The following PATJ variants were observed in gnomAD, a reference collection of about 807,000 sequenced individuals.
PATJ encodes the protein inaD-like protein.
PATJ carries 190 observed loss-of-function variants against 224.9 expected under a neutral mutation model. The ratio of observed to expected loss-of-function variants is 0.84; its 90% CI spans 0.75 to 0.95. The LOEUF is 0.95. Among genes scored for constraint, PATJ ranks in the 40% least tolerant of loss-of-function variants. The pLI is 0.00. For synonymous variants in PATJ, 769 were observed against 820.3 expected (o/e 0.94, Z 1.07); for missense variants, 2,121 against 2,270.3 (o/e 0.93, Z 1.34).
At chr1:62,033,431 A>G (rs994266594) in intron 29 of PATJ, among the ~76,000 whole-genome samples, 1 of 152,172 alleles carries the variant, frequency 6.6e-6, no homozygotes, top group East Asian at 1.9e-4. Context: ...TGTCAGCAGA[A>G]GGGAATTCTG....
At chr1:61,850,501 C>G (rs1288073892) in intron 17 of PATJ, among the ~76,000 whole-genome samples, 1 of 152,232 alleles carries the variant, frequency 6.6e-6, no homozygotes, top group Non-Finnish European at 1.5e-5. Context: ...AACTTTTCAT[C>G]TGCTAGGTAC....
chr1:61,854,392 T>G (rs180925298), intron 17 of PATJ, among the ~76,000 whole-genome samples: 2 of 152,318 alleles, frequency 1.3e-5, no homozygotes, highest in East Asian at 3.9e-4. Context: ...TCTCCCTTGC[T>G]AAGTTAGAAG....
intron 28 of PATJ, among the ~76,000 whole-genome samples, chr1:61,999,982 G>C (rs1453257339): frequency 1.3e-5 from 2 of 151,918 alleles, no homozygotes; most frequent in African/African-American, 4.8e-5. Context: ...CCAGGTTCAA[G>C]CAATTCTCCT....
At chr1:62,135,061 T>A (rs1666682948) in intron 41 of PATJ, among the ~76,000 whole-genome samples, 1 of 152,140 alleles carries the variant, frequency 6.6e-6, no homozygotes, top group African/African-American at 2.4e-5. Flanking sequence ...CATAATAAAA[T>A]CACTGATTTT....
At chr1:61,873,476 T>A (rs1294720292) in intron 20 of PATJ, among the ~76,000 whole-genome samples, 2 of 152,190 alleles carry the variant, frequency 1.3e-5, no homozygotes, top group African/African-American at 4.8e-5. Context: ...GCAATAAAAT[T>A]TTTTAAAATA....
intron 27 of PATJ, among the ~76,000 whole-genome samples, chr1:61,979,763 T>C (rs1432050036): frequency 6.6e-6 from 1 of 152,100 alleles, no homozygotes; most frequent in African/African-American, 2.4e-5. Flanking sequence ...TGTGTGGTTT[T>C]TATGCTAGGT....
intron 28 of PATJ, among the ~76,000 whole-genome samples, chr1:61,996,957 G>T (rs1011770636): frequency 6.6e-6 from 1 of 151,980 alleles, no homozygotes; most frequent in Non-Finnish European, 1.5e-5. Flanking sequence ...GGCCAGGCTA[G>T]TCTCGAACTC....
chr1:61,805,646 G>T, intron 13 of PATJ, 122 bp downstream of exon 13: 3 of 633,532 alleles, frequency 4.7e-6, no homozygotes, highest in Non-Finnish European at 8.3e-6. Flanking sequence ...TTTCCTTCCT[G>T]CCTTTCTTCC....
In PATJ at chr1:62,062,392, C is replaced by CTTTTTTTTTTTTTTTTTTTTT. The variant is rs60747316; in HGVS notation, c.4125+11341_4125+11361dup. ...TGGTTGGCTGCTTCTATGTTGTCTT[C>CTTTTTTTTTTTTTTTTTTTTT]TTTTTTTTTTTTTTTTTTTTTTTTT... On this transcript the variant is annotated intron_variant, in intron 31 of 43. Coordinates refer to ENST00000642238, the MANE Select transcript of PATJ (RefSeq NM_001350145.3). 1.2e-3 allele frequency among the ~76,000 whole-genome samples: 34 copies of CTTTTTTTTTTTTTTTTTTTTT among 28,478 alleles called. 7 individuals are homozygous for CTTTTTTTTTTTTTTTTTTTTT. The highest frequency in any genetic ancestry group is 1.3e-3 in the African/African-American group (8 of 6,296). The allele number at this position is 28,478 out of a possible 152,430, so 18.7% of individuals were successfully genotyped here.
At chr1:62,056,987 C>G (rs539139363) in intron 31 of PATJ, among the ~76,000 whole-genome samples, 2 of 152,028 alleles carry the variant, frequency 1.3e-5, no homozygotes, top group African/African-American at 4.8e-5. Context: ...CCACCAGGCC[C>G]GGCTAATTTT....
chr1:61,830,193 A>C (rs1659058407), intron 16 of PATJ, among the ~76,000 whole-genome samples: 1 of 152,226 alleles, frequency 6.6e-6, no homozygotes, highest in Non-Finnish European at 1.5e-5. Context: ...CTGTACAAAA[A>C]TCAGTAACAT....
At chr1:62,132,607 A>G (rs1421960022) in intron 41 of PATJ, among the ~76,000 whole-genome samples, 1 of 152,118 alleles carries the variant, frequency 6.6e-6, no homozygotes, top group Non-Finnish European at 1.5e-5. Context: ...TTGACTTTTT[A>G]AATTATATAA....
chr1:61,762,347 G>T (rs999465747), intron 1 of PATJ, among the ~76,000 whole-genome samples: 2 of 151,974 alleles, frequency 1.3e-5, no homozygotes, highest in South Asian at 2.1e-4. Flanking sequence ...CTTGTTGTGT[G>T]TATCAGTAAT....
At chr1:61,926,421 T>A (rs1675218209) in intron 26 of PATJ, among the ~76,000 whole-genome samples, 1 of 152,210 alleles carries the variant, frequency 6.6e-6, no homozygotes, top group Admixed American at 6.5e-5. Flanking sequence ...AGAGAATTCA[T>A]CTCTTAATAT....
chr1:61,821,873 T>C (rs887937907), intron 14 of PATJ, among the ~76,000 whole-genome samples: 3 of 152,168 alleles, frequency 2.0e-5, no homozygotes, highest in African/African-American at 7.2e-5. Context: ...GTTTGGTGAA[T>C]GCCCTTGACT....
chr1:62,044,566 C>T (rs555620336), intron 30 of PATJ, among the ~76,000 whole-genome samples: 1 of 152,194 alleles, frequency 6.6e-6, no homozygotes, highest in Non-Finnish European at 1.5e-5. Context: ...CATTTATTGA[C>T]AGGACAGCCT....
chr1:62,106,158 G>GTGTA (rs1356937495), intron 33 of PATJ, among the ~76,000 whole-genome samples: 21 of 48,062 alleles, frequency 4.4e-4, no homozygotes, highest in Admixed American at 7.9e-4. Flanking sequence ...GTGTGTGTGT[G>GTGTA]TATATATATA....
chr1:62,004,642 G>A (rs945537031), intron 28 of PATJ, among the ~76,000 whole-genome samples: 6 of 152,086 alleles, frequency 3.9e-5, no homozygotes, highest in African/African-American at 9.7e-5. Flanking sequence ...ATATAATGAC[G>A]TAACCATGCA....
Position 61,812,433 on chromosome 1 carries a change from A to AGAGTGTGTGTGTGTGT in PATJ, c.1683+3904_1683+3905insAGTGTGTGTGTGTGTG, listed in dbSNP as rs1397549346. ...GAGAGAGAGAGAGAGAGAGAGAGAG[A>AGAGTGTGTGTGTGTGT]GTGTGTGTGTGTGTGTGTGTGTGTG... On this transcript the variant is annotated intron_variant, in intron 14 of 43. Coordinates refer to ENST00000642238, the MANE Select transcript of PATJ (RefSeq NM_001350145.3). 1.8e-3 allele frequency among the ~76,000 whole-genome samples: 153 copies of AGAGTGTGTGTGTGTGT among 85,186 alleles called. 3 individuals are homozygous for AGAGTGTGTGTGTGTGT. The highest frequency in any genetic ancestry group is 6.3e-3 in the African/African-American group (140 of 22,374). 55.9% of individuals were successfully genotyped at this position (85,186 alleles called of 152,430 possible).
Sources: gnomAD v4.1 joint callset for allele counts (sites outside exome capture counted in the v4.1 genomes callset) on GRCh38, gnomAD v4.1.1 for gene constraint, MANE v1.5 for transcripts, NCBI Gene and HGNC (gene_info 2026-07-23, HGNC 2026-07-21) for gene names.